OXNAD1: variants seen among roughly 807,000 people sequenced by gnomAD.
OXNAD1 encodes oxidoreductase NAD binding domain containing 1, also known as oxidoreductase NAD-binding domain-containing protein 1.
In OXNAD1, 34 loss-of-function variants were observed where a neutral mutation model predicts 32.9. The ratio of observed to expected loss-of-function variants is 1.03; its 90% CI spans 0.79 to 1.38. The LOEUF is 1.38. Ranked by LOEUF, OXNAD1 falls within the 40% of genes most tolerant of loss-of-function variation. The pLI, the probability that OXNAD1 is intolerant of heterozygous loss-of-function variation, is 0.00. For synonymous variants in OXNAD1, 134 were observed against 135.2 expected, an observed-to-expected ratio of 0.99 and a Z score of 0.06; for missense variants, 407 against 379.4, an observed-to-expected ratio of 1.07 and a Z score of -0.60.
chr3:16,347,223 T>C (rs942123981), intron 9 of OXNAD1, among the ~76,000 whole-genome samples: 3 of 152,228 alleles, frequency 2.0e-5, no homozygotes, highest in African/African-American at 7.2e-5. Context: ...CCCAGACTTT[T>C]CACATGCAAA....
At position 16,289,833 on chromosome 3, in the gene OXNAD1, C is replaced by T. The variant is rs139748985; in HGVS notation, c.290+3385C>T. 2.6e-5 allele frequency among the ~76,000 whole-genome samples: 4 copies of T among 152,354 alleles called. No homozygotes were observed. Among genetic ancestry groups the T allele is most frequent in the African/African-American group, 7.2e-5 (3 of 41,580 alleles). ...CTCCTTCCTCTGCCTTGCCTCGCTA[C>T]GCTAAGCAGATTTTATCATTGCCCA... is the stretch of plus-strand genomic sequence containing the variant. On this transcript the variant is annotated intron_variant, in intron 5 of 8. Coordinates refer to ENST00000285083, the MANE Select transcript of OXNAD1 (RefSeq NM_138381.5). The surrounding 1 kb of genome is among the most constrained non-coding windows in gnomAD (Gnocchi z 4.9).
In OXNAD1 at chr3:16,302,761, A is replaced by G. The variant is rs758886074; in HGVS notation, c.784+13A>G. The G allele has an allele frequency of 5.1e-6, 8 of 1,583,104 alleles. No homozygotes were observed. The highest frequency in any genetic ancestry group is 6.9e-6 in the Non-Finnish European group (8 of 1,153,542). On this transcript the variant is annotated intron_variant, in intron 8 of 8. Transcript: ENST00000285083. The surrounding 1 kb of genome is among the most constrained non-coding windows in gnomAD (Gnocchi z 4.2). ...CCATACATCACGGGTGAGTCCCCTAAAGATATTTTGACTATCTCCATGCAG... is the reference window on the plus strand; with the variant it reads ...CCATACATCACGGGTGAGTCCCCTAGAGATATTTTGACTATCTCCATGCAG...
intron 9 of OXNAD1, among the ~76,000 whole-genome samples, chr3:16,311,994 G>A (rs186915418): frequency 7.6e-4 from 115 of 152,278 alleles, no homozygotes; most frequent in Admixed American, 3.3e-4. Context: ...GGTCTCTCCC[G>A]TAGCCTGGCT....
intron 9 of OXNAD1, chr3:16,326,655 T>A (rs923948345): frequency 1.3e-6 from 1 of 746,308 alleles, no homozygotes; most frequent in African/African-American, 1.8e-5. Flanking sequence ...AGAGTTTACA[T>A]AACTACCAGC....
chr3:16,318,765 C>G (rs1298828944), intron 9 of OXNAD1, among the ~76,000 whole-genome samples: 2 of 152,160 alleles, frequency 1.3e-5, no homozygotes, highest in Non-Finnish European at 2.9e-5. Flanking sequence ...CAAATGAGTT[C>G]ACTTACAATG....
chr3:16,306,132 T>A (rs2067538642), downstream of OXNAD1: 1 of 152,218 alleles, frequency 6.6e-6, no homozygotes, highest in Admixed American at 6.5e-5. Context: ...TCTTTTGACA[T>A]AAGACCCTTT....
At chr3:16,282,771 G>GTGATC in intron 4 of OXNAD1, among the ~76,000 whole-genome samples, 1 of 148,188 alleles carries the variant, frequency 6.7e-6, no homozygotes, top group African/African-American at 2.5e-5. Flanking sequence ...CACAAGCACA[G>GTGATC]TGATCCAGGA....
In OXNAD1 at chr3:16,348,727, TTC is replaced by T. The variant is rs1403862461; in HGVS notation, c.*31-447_*31-446del. Among the ~76,000 whole-genome samples, 1 of 152,150 alleles carries T rather than the reference TTC, an allele frequency of 6.6e-6. No homozygotes were observed. Among genetic ancestry groups the T allele is most frequent in the African/African-American group, 2.4e-5 (1 of 41,434 alleles). ...ATGGAGTTTCCCAGTTCCCTGAGGG[TTC>T]TGTTATGGAACCCCTAATCACCATC... On this transcript the variant is annotated intron_variant, in intron 9 of 9. Coordinates refer to the OXNAD1 transcript ENST00000606098. The surrounding 1 kb of genome is among the most constrained non-coding windows in gnomAD (Gnocchi z 6.3).
In OXNAD1 at chr3:16,282,646, G is replaced by T. The variant is rs192815215; in HGVS notation, c.184-3696G>T. 2.0e-5 allele frequency among the ~76,000 whole-genome samples: 3 copies of T among 152,110 alleles called. No homozygotes were observed. The East Asian group carries it at 5.8e-4, about 29-fold the overall frequency. The stretch of plus-strand genomic sequence containing the variant: ...CAGGGCCTAGAAGGGTGAGCAGAAG[G>T]TTGGTAGAACTGAGAGAGCTTGGCA... On this transcript the variant is annotated intron_variant, in intron 4 of 8. Transcript: ENST00000285083.
rs932183266 is a variant in OXNAD1, at chr3:16,345,721, G to C, written c.*31-3455G>C. Among the ~76,000 whole-genome samples, 5 of 151,982 alleles carry C rather than the reference G, an allele frequency of 3.3e-5. No homozygotes were observed. The South Asian group carries it at 1.0e-3, about 32-fold the overall frequency. ...ACTGGCTTTCCTGGGTCTCCAGCTT[G>C]CAGATAGCAGACTGTGGGACTCCTC... On this transcript the variant is annotated intron_variant, in intron 9 of 9. Transcript: ENST00000606098. This position sits in a 1 kb window ranked among gnomAD's most constrained non-coding sequence, Gnocchi z 5.2.
intron 6 of OXNAD1, among the ~76,000 whole-genome samples, chr3:16,296,060 A>G (rs1365924164): frequency 2.0e-5 from 3 of 152,098 alleles, no homozygotes; most frequent in Admixed American, 6.5e-5. Flanking sequence ...CAAAGAGGGT[A>G]TGGAAACACA....
chr3:16,343,520 C>T (rs2071447122), intron 9 of OXNAD1, among the ~76,000 whole-genome samples: 1 of 152,352 alleles, frequency 6.6e-6, no homozygotes, highest in Non-Finnish European at 1.5e-5. Flanking sequence ...GTCACTTTCA[C>T]CTGTACCCTA....
rs762772839 is a variant in OXNAD1 at position 16,323,431 on chromosome 3, A to G, written c.*31-13681A>G. On this transcript the variant is annotated intron_variant, in intron 9 of 9. Coordinates refer to the OXNAD1 transcript ENST00000435829. The stretch of plus-strand genomic sequence containing the variant: ...TAGACAAGGTCTCTGAAGAAAGACA[A>G]TCTGCTTGGTGGATACACTCCCCTC... The G allele has an allele frequency of 4.2e-5, 68 of 1,612,594 alleles. No homozygotes were observed. Among genetic ancestry groups the G allele is most frequent in the South Asian group, 5.5e-5 (5 of 91,058 alleles).
At chr3:16,349,597 ACAAGAAAAGGGTATGTT>A (rs1431125240) in exon 10 of OXNAD1, 1 of 152,274 alleles carries the variant, frequency 6.6e-6, no homozygotes, top group East Asian at 1.9e-4. Context: ...AAGAAGTTGC[ACAAGAAAAGGGTATGTT>A]CAAGACAATA....
rs898629881 is a variant in OXNAD1, at chr3:16,334,588, A to C, written c.*31-2524A>C. Among the ~76,000 whole-genome samples the C allele has an allele frequency of 6.6e-6, 1 of 152,178 alleles. No homozygotes were observed. ...CTGGGCAATGGCTGCTCATGTGTTGAGCCGGGGCATACAGGATGAAGAGGG... is the reference window on the plus strand; with the variant it reads ...CTGGGCAATGGCTGCTCATGTGTTGCGCCGGGGCATACAGGATGAAGAGGG... On this transcript the variant is annotated intron_variant, in intron 9 of 9. Coordinates refer to the OXNAD1 transcript ENST00000435829. This position sits in a 1 kb window ranked among gnomAD's most constrained non-coding sequence, Gnocchi z 4.3.
intron 4 of OXNAD1, chr3:16,276,287 G>T: frequency 4.7e-6 from 1 of 211,582 alleles, no homozygotes; most frequent in Non-Finnish European, 9.6e-6. Flanking sequence ...TGATTTTTCT[G>T]ATTTGGCTTT....
In OXNAD1 at chr3:16,336,754, T is replaced by TC. The variant is rs2070889121; in HGVS notation, c.*31-357dup. Among the ~76,000 whole-genome samples, 1 of 152,168 alleles carries TC rather than the reference T, an allele frequency of 6.6e-6. No individual in the cohort carries two copies. Among genetic ancestry groups the TC allele is most frequent in the Admixed American group, 6.5e-5 (1 of 15,286 alleles). ...GCATAAAAAGCTTCAGTTCTGAGACTCTTTACCCACCCAGTGCTGGTGAAT... is the reference window on the plus strand; with the variant it reads ...GCATAAAAAGCTTCAGTTCTGAGACTCCTTTACCCACCCAGTGCTGGTGAAT... On this transcript the variant is annotated intron_variant, in intron 9 of 9. Transcript: ENST00000435829. The surrounding 1 kb of genome is among the most constrained non-coding windows in gnomAD (Gnocchi z 6.0).
rs1377491435 is a variant in OXNAD1, at chr3:16,297,858, A to C, written c.432+2861A>C. Among the ~76,000 whole-genome samples the C allele has an allele frequency of 6.6e-6, 1 of 152,090 alleles. No homozygotes were observed. Among genetic ancestry groups the C allele is most frequent in the Non-Finnish European group, 1.5e-5 (1 of 68,026 alleles). On this transcript the variant is annotated intron_variant, in intron 6 of 8. Coordinates refer to ENST00000285083, the MANE Select transcript of OXNAD1 (RefSeq NM_138381.5). The surrounding 1 kb of genome is among the most constrained non-coding windows in gnomAD (Gnocchi z 4.3). The stretch of plus-strand genomic sequence containing the variant: ...GGTAGGATCGATAGCACAGGGGAAT[A>C]TTTTCAGGGGGTGATGGAACTAATA...
chr3:16,310,707 G>A (rs147781659), downstream of OXNAD1, among the ~76,000 whole-genome samples: 143 of 152,192 alleles, frequency 9.4e-4, no homozygotes, highest in African/African-American at 3.3e-3. Context: ...AAATCATTTG[G>A]GGCTGGGCGC....
Sources: gnomAD v4.1 joint callset for allele counts (sites outside exome capture counted in the v4.1 genomes callset) on GRCh38, gnomAD v4.1.1 for gene constraint, Gnocchi (gnomAD v3.1) non-coding constraint, MANE v1.5 for transcripts, NCBI Gene and HGNC (gene_info 2026-07-23, HGNC 2026-07-21) for gene names.